CHD9: variants seen among roughly 807,000 people sequenced by gnomAD.
CHD9 encodes ATP-dependent chromatin remodeler CHD9.
A neutral mutation model predicts 316.1 loss-of-function variants in CHD9; 77 were observed. The observed-to-expected ratio is 0.24, with a 90% confidence interval of 0.20 to 0.29. The LOEUF is 0.29. Ranked by LOEUF, CHD9 falls within the 10% of genes least tolerant of loss-of-function variation. The pLI, the probability that CHD9 is intolerant of heterozygous loss-of-function variation, is 1.00. For missense variants in CHD9, 2,763 were observed against 3,438.1 expected (o/e 0.80, Z 4.91); for synonymous variants, 1,129 against 1,158.3 (o/e 0.97, Z 0.51).
In CHD9 at chr16:53,267,414, C is replaced by T. The variant is rs764673104; in HGVS notation, c.4441C>T (p.Arg1481Trp). Residue 1481 changes from arginine to tryptophan, a missense_variant, in exon 21 of 39, where the codon CGG becomes TGG. This residue lies in a region of CHD9 where 199 missense variants were observed against 251.7 expected (regional missense o/e 0.79). Coordinates refer to ENST00000447540, the MANE Select transcript of CHD9 (RefSeq NM_001308319.2). ...ESEGDEKPKL[R>W]RPCDRSNGYG... The stretch of plus-strand genomic sequence containing the variant: ...TGAAGGAGATGAAAAGCCCAAACTC[C>T]GGAGACCCTGTGACCGTTCCAATGG... 5.0e-6 allele frequency: 8 copies of T among 1,612,846 alleles called. No homozygotes were observed. Among genetic ancestry groups the T allele is most frequent in the South Asian group, 3.3e-5 (3 of 91,012 alleles).
chr16:53,261,962 T>C (rs2051177589), intron 19 of CHD9, among the ~76,000 whole-genome samples: 1 of 152,224 alleles, frequency 6.6e-6, no homozygotes, highest in South Asian at 2.1e-4. Context: ...AAAAATGGCT[T>C]GTTTGCTTTT....
chr16:53,226,601 C>T, intron 5 of CHD9, 89 bp downstream of exon 5: 1 of 1,426,566 alleles, frequency 7.0e-7, no homozygotes, highest in East Asian at 2.5e-5. Flanking sequence ...CTAAAAATTG[C>T]TCTAACTTAT....
chr16:53,149,637 C>T (rs2040924879), intron 1 of CHD9, among the ~76,000 whole-genome samples: 1 of 150,460 alleles, frequency 6.6e-6, no homozygotes, highest in African/African-American at 2.5e-5. Context: ...TAACCTCCAA[C>T]TCCTGGGCTC....
Position 53,209,509 on chromosome 16 carries a change from T to G in CHD9, c.1480T>G (p.Ser494Ala). The G allele has an allele frequency of 6.2e-7, 1 of 1,613,518 alleles. No homozygotes were observed. The highest frequency in any genetic ancestry group is 1.1e-5 in the South Asian group (1 of 91,020). Residue 494 changes from serine to alanine, a missense_variant, in exon 3 of 39, where the codon TCT (serine) becomes GCT (alanine). By Grantham distance (99) the Ser-to-Ala change is moderately conservative. Transcript: ENST00000447540. ...QPPSSKKSDGSGTYTKLQNTQ... is the reference protein window; with the variant it reads ...QPPSSKKSDGAGTYTKLQNTQ... ...TCCATCTTCCAAGAAGAGCGATGGT[T>G]CTGGGACATATACTAAGTTGCAGAA... is the stretch of plus-strand genomic sequence containing the variant.
At chr16:53,166,342 A>G (rs1799091333) in intron 2 of CHD9, among the ~76,000 whole-genome samples, 1 of 152,174 alleles carries the variant, frequency 6.6e-6, no homozygotes, top group East Asian at 1.9e-4. Context: ...AACAGAAAGT[A>G]AATTCCAGGA....
intron 1 of CHD9, among the ~76,000 whole-genome samples, chr16:53,155,622 C>T (rs1249177031): frequency 6.6e-6 from 1 of 151,936 alleles, no homozygotes; most frequent in Non-Finnish European, 1.5e-5. Flanking sequence ...TATCCATTAC[C>T]ATAACCAATT....
intron 1 of CHD9, among the ~76,000 whole-genome samples, chr16:53,063,619 G>A (rs1427512727): frequency 3.3e-5 from 5 of 151,744 alleles, no homozygotes; most frequent in Admixed American, 1.3e-4. Context: ...TGCAAGCTCC[G>A]CCTTCGGGTT....
intron 17 of CHD9, among the ~76,000 whole-genome samples, chr16:53,251,035 CT>C (rs1293063726): frequency 6.6e-6 from 1 of 152,194 alleles, no homozygotes; most frequent in African/African-American, 2.4e-5. Flanking sequence ...ATGTAATCTA[CT>C]TTAAAATATC....
intron 24 of CHD9, among the ~76,000 whole-genome samples, chr16:53,280,144 C>A (rs1013049649): frequency 6.6e-6 from 1 of 152,174 alleles, no homozygotes; most frequent in Non-Finnish European, 1.5e-5. Flanking sequence ...GTATAACTAC[C>A]ATTTGATCCA....
chr16:53,108,807 G>A (rs1433190019), intron 1 of CHD9, among the ~76,000 whole-genome samples: 3 of 151,796 alleles, frequency 2.0e-5, no homozygotes, highest in African/African-American at 7.3e-5. Flanking sequence ...CCCCAGAGGC[G>A]GAGGTTGCAG....
intron 2 of CHD9, among the ~76,000 whole-genome samples, chr16:53,177,243 A>G (rs1365729747): frequency 1.3e-5 from 2 of 152,206 alleles, no homozygotes; most frequent in African/African-American, 4.8e-5. Flanking sequence ...GGTGTGAGCC[A>G]CTGCGCCTGG....
intron 3 of CHD9, among the ~76,000 whole-genome samples, chr16:53,211,759 A>C (rs946794924): frequency 6.6e-6 from 1 of 152,218 alleles, no homozygotes; most frequent in Non-Finnish European, 1.5e-5. Context: ...AAAGACAAAA[A>C]TTATTGTCAT....
chr16:53,255,435 T>A (rs527663196), intron 18 of CHD9, among the ~76,000 whole-genome samples, 165 bp from the exon 19 acceptor site: 2 of 152,196 alleles, frequency 1.3e-5, no homozygotes, highest in Admixed American at 6.5e-5. Context: ...CAAAGAAGAG[T>A]CAACAACTTC....
At chr16:53,311,966 A>T (rs528695151) in intron 34 of CHD9, 1 of 152,342 alleles carries the variant, frequency 6.6e-6, no homozygotes, top group Non-Finnish European at 1.5e-5. Flanking sequence ...TTACATCTAA[A>T]ATAAAGACAA....
At chr16:53,205,457 T>A (rs1217658008) in intron 2 of CHD9, among the ~76,000 whole-genome samples, 2 of 152,150 alleles carry the variant, frequency 1.3e-5, no homozygotes, top group Non-Finnish European at 2.9e-5. Context: ...TTTGGCAGAA[T>A]TTGATGACTG....
intron 20 of CHD9, among the ~76,000 whole-genome samples, chr16:53,266,653 C>T (rs750079408): frequency 2.6e-5 from 4 of 152,134 alleles, no homozygotes; most frequent in Non-Finnish European, 5.9e-5. Context: ...TGAGTAGAAA[C>T]AGCCTTATTC....
chr16:53,285,618 G>C lies in CHD9; in HGVS notation c.4990G>C (p.Glu1664Gln), dbSNP rs763130335. ...AAGTGACATTGATGTTTGGGTACCA[G>C]AACCAGACCACTCAGAAGTTCCTGC... ...DASDIDVWVP[E>Q]PDHSEVPAEW... The change falls in exon 25 of 39, where the codon GAA becomes CAA. Residue 1664 changes from glutamate to glutamine, a missense_variant. Glu to Gln is a conservative substitution (Grantham distance 29, BLOSUM62 2). Coordinates refer to ENST00000447540, the MANE Select transcript of CHD9 (RefSeq NM_001308319.2). 9.3e-6 allele frequency: 15 copies of C among 1,605,236 alleles called. No individual in the cohort carries two copies. Among genetic ancestry groups the C allele is most frequent in the Non-Finnish European group, 1.3e-5 (15 of 1,174,844 alleles).
chr16:53,282,630 A>C (rs1239406638), intron 24 of CHD9, among the ~76,000 whole-genome samples: 1 of 152,102 alleles, frequency 6.6e-6, no homozygotes, highest in East Asian at 1.9e-4. Flanking sequence ...AGAAAGAAGC[A>C]TCTATGTTTG....
In CHD9 at chr16:53,261,359, C is replaced by CTTTTTTTTT. The variant is rs1195811638; in HGVS notation, c.4210-1610_4210-1602dup. 3.2e-5 allele frequency among the ~76,000 whole-genome samples: 2 copies of CTTTTTTTTT among 61,876 alleles called. 1 individual carries two copies. Among genetic ancestry groups the CTTTTTTTTT allele is most frequent in the Non-Finnish European group, 6.0e-5 (2 of 33,230 alleles). The allele number at this position is 61,876 out of a possible 152,430, so 40.6% of individuals were successfully genotyped here. ...GCCTTTTAATTTTTGGTGTTTTAGACTTTTTTTTTTTTTTTTTTTTTTTTT... is the reference window on the plus strand; with the variant it reads ...GCCTTTTAATTTTTGGTGTTTTAGACTTTTTTTTTTTTTTTTTTTTTTTTTTTTTTTTTT... On this transcript the variant is annotated intron_variant, in intron 19 of 38. Coordinates refer to ENST00000447540, the MANE Select transcript of CHD9 (RefSeq NM_001308319.2).
Sources: allele counts gnomAD v4.1 joint callset (sites outside exome capture counted in the v4.1 genomes callset), GRCh38; gene constraint gnomAD v4.1.1; regional missense constraint gnomAD v4.1.1; transcripts MANE v1.5; gene names NCBI Gene and HGNC (gene_info 2026-07-23, HGNC 2026-07-21).